The following OSBPL10 variants were observed in gnomAD, a reference collection of about 807,000 sequenced individuals.
The protein encoded by OSBPL10 is oxysterol binding protein like 10, also known as oxysterol-binding protein-related protein 10.
In OSBPL10, 49 loss-of-function variants were observed where a neutral mutation model predicts 81.7. The ratio of observed to expected loss-of-function variants is 0.60; its 90% CI spans 0.48 to 0.76. OSBPL10 has a LOEUF of 0.76. Among genes scored for constraint, OSBPL10 ranks in the 30% least tolerant of loss-of-function variants. OSBPL10 has a pLI of 0.00. For synonymous variants in OSBPL10, 419 were observed against 383.6 expected (o/e 1.09, Z -1.08); for missense variants, 923 against 987.8 (o/e 0.93, Z 0.88).
At chr3:31,926,713 T>C (rs898228555) in intron 1 of OSBPL10, among the ~76,000 whole-genome samples, 4 of 152,202 alleles carry the variant, frequency 2.6e-5, no homozygotes, top group Admixed American at 2.6e-4. Context: ...GTGCTTTGAA[T>C]GTTATTCTCA....
intron 1 of OSBPL10, among the ~76,000 whole-genome samples, chr3:31,884,618 A>G (rs1347197789): frequency 3.3e-5 from 5 of 152,188 alleles, no homozygotes; most frequent in Admixed American, 6.5e-5. Flanking sequence ...TGCTGTTAGG[A>G]GCACGCAGCT....
intron 2 of OSBPL10, among the ~76,000 whole-genome samples, chr3:31,993,927 T>C (rs1486131082): frequency 1.3e-5 from 2 of 152,216 alleles, no homozygotes; most frequent in South Asian, 2.1e-4. Context: ...TGAATGTTTA[T>C]TGATGCCTTA....
intron 7 of OSBPL10, among the ~76,000 whole-genome samples, chr3:31,691,898 C>A (rs908864643): frequency 2.6e-5 from 4 of 152,062 alleles, no homozygotes; most frequent in African/African-American, 7.2e-5. Flanking sequence ...ACACAAAAAT[C>A]CAATTTTACA....
chr3:31,979,310 G>GT (rs1698765827), intron 1 of OSBPL10, among the ~76,000 whole-genome samples: 1 of 152,142 alleles, frequency 6.6e-6, no homozygotes, highest in Non-Finnish European at 1.5e-5. Context: ...CACTAACATA[G>GT]TAACACATCT....
chr3:31,716,714 A>C (rs532650213), intron 6 of OSBPL10, among the ~76,000 whole-genome samples: 2 of 152,342 alleles, frequency 1.3e-5, no homozygotes, highest in Non-Finnish European at 2.9e-5. Flanking sequence ...CTTTTCTCAT[A>C]AACTTGTGTA....
At chr3:31,832,086 A>C (rs1304642451) in intron 3 of OSBPL10, among the ~76,000 whole-genome samples, 1 of 152,246 alleles carries the variant, frequency 6.6e-6, no homozygotes, top group Non-Finnish European at 1.5e-5. Context: ...ATCTGGAAAT[A>C]TCTCTCAGCT....
At chr3:31,878,815 A>ATGTGTGTGTGTG (rs59233088) in intron 2 of OSBPL10, among the ~76,000 whole-genome samples, 27 of 136,448 alleles carry the variant, frequency 2.0e-4, no homozygotes, top group Non-Finnish European at 2.9e-4. Flanking sequence ...CTGCGTGTCC[A>ATGTGTGTGTGTG]TGTGTGTGTG....
intron 6 of OSBPL10, among the ~76,000 whole-genome samples, chr3:31,717,859 C>A (rs917121827): frequency 6.6e-6 from 1 of 152,178 alleles, no homozygotes; most frequent in Non-Finnish European, 1.5e-5. Context: ...CATTATCATG[C>A]TCTGCTTTGT....
At chr3:31,751,485 T>C (rs1396399086) in intron 4 of OSBPL10, among the ~76,000 whole-genome samples, 2 of 152,100 alleles carry the variant, frequency 1.3e-5, no homozygotes, top group African/African-American at 4.8e-5. Context: ...GGCAGTGGGG[T>C]TTGGCAGTTA....
At chr3:31,870,423 C>T (rs923296115) in intron 3 of OSBPL10, among the ~76,000 whole-genome samples, 2 of 152,230 alleles carry the variant, frequency 1.3e-5, no homozygotes, top group African/African-American at 4.8e-5. Context: ...CCTGTGCGGC[C>T]CGAGCCTCCC....
At chr3:31,999,550 C>T (rs983858531) in intron 2 of OSBPL10, among the ~76,000 whole-genome samples, 3 of 151,840 alleles carry the variant, frequency 2.0e-5, no homozygotes, top group East Asian at 1.9e-4. Context: ...AGTAGAGACA[C>T]GGTTTCTCCA....
At chr3:31,833,718 C>T (rs1337139607) in intron 3 of OSBPL10, among the ~76,000 whole-genome samples, 1 of 151,532 alleles carries the variant, frequency 6.6e-6, no homozygotes, top group Non-Finnish European at 1.5e-5. Flanking sequence ...CACACACACA[C>T]ACACACACAC....
chr3:31,909,679 G>A (rs928153577), intron 1 of OSBPL10, among the ~76,000 whole-genome samples: 25 of 152,164 alleles, frequency 1.6e-4, no homozygotes, highest in African/African-American at 6.0e-4. Flanking sequence ...CAGATCAAGC[G>A]AGTGCACTGT....
At chr3:31,697,847 C>A (rs1695773464) in intron 7 of OSBPL10, among the ~76,000 whole-genome samples, 1 of 152,072 alleles carries the variant, frequency 6.6e-6, no homozygotes, top group Admixed American at 6.5e-5. Flanking sequence ...ACTGCAACCT[C>A]CGCCTCCCGA....
chr3:31,906,470 T>A (rs1481569406), intron 1 of OSBPL10, among the ~76,000 whole-genome samples: 1 of 152,132 alleles, frequency 6.6e-6, no homozygotes, highest in African/African-American at 2.4e-5. Context: ...TAGAAATGTA[T>A]CCTTTCATTA....
At chr3:31,856,246 T>C (rs1487239209) in intron 3 of OSBPL10, among the ~76,000 whole-genome samples, 1 of 152,108 alleles carries the variant, frequency 6.6e-6, no homozygotes, top group Non-Finnish European at 1.5e-5. Flanking sequence ...TGTTGCACTT[T>C]ATTAAGACAA....
At chr3:31,849,316 G>GA (rs1356370662) in intron 3 of OSBPL10, among the ~76,000 whole-genome samples, 2 of 151,466 alleles carry the variant, frequency 1.3e-5, no homozygotes, top group Non-Finnish European at 2.9e-5. Context: ...AAGCAATATA[G>GA]ACAGTATGGG....
chr3:31,909,007 T>C (rs1178511891), intron 1 of OSBPL10, among the ~76,000 whole-genome samples: 1 of 152,238 alleles, frequency 6.6e-6, no homozygotes, highest in East Asian at 1.9e-4. Context: ...GAAGTATCAT[T>C]TAGCTAAGAA....
Position 31,804,268 on chromosome 3 carries a change from T to A in OSBPL10, c.729+25772A>T, listed in dbSNP as rs527706000. Reference sequence around the variant, plus strand: ...ATTTATGTTATTCTAAGGGTTGAAATCCAATACTATCAACATCACAGATTT... The same window carrying A: ...ATTTATGTTATTCTAAGGGTTGAAAACCAATACTATCAACATCACAGATTT... On this transcript the variant is annotated intron_variant, in intron 4 of 11. Transcript: ENST00000396556. Among the ~76,000 whole-genome samples the A allele has an allele frequency of 9.2e-5, 14 of 152,328 alleles. No individual in the cohort carries two copies. The East Asian group carries it at 2.7e-3, about 29-fold the overall frequency.
Sources: gnomAD v4.1 joint callset for allele counts (sites outside exome capture counted in the v4.1 genomes callset) on GRCh38, gnomAD v4.1.1 for gene constraint, MANE v1.5 for transcripts, NCBI Gene and HGNC (gene_info 2026-07-23, HGNC 2026-07-21) for gene names.